Variants in SCUBE1 observed in about 807,000 individuals in gnomAD.
SCUBE1 encodes the protein signal peptide, CUB and EGF-like domain-containing protein 1.
Under a neutral mutation model 124.4 loss-of-function variants are expected in SCUBE1, and 59 were observed. The observed-to-expected ratio is 0.47, with a 90% confidence interval of 0.38 to 0.59. The LOEUF (loss-of-function observed/expected upper bound fraction) is 0.59, where lower values mean the gene tolerates loss of function less well. SCUBE1 is among the 20% of genes least tolerant of loss of function. SCUBE1 has a pLI of 0.00. For missense variants in SCUBE1, 1,150 were observed against 1,371.2 expected, an observed-to-expected ratio of 0.84 and a Z score of 2.55; for synonymous variants, 545 against 550.9, an observed-to-expected ratio of 0.99 and a Z score of 0.15.
At chr22:43,260,730 C>T (rs1292736930) in intron 5 of SCUBE1, among the ~76,000 whole-genome samples, 2 of 152,212 alleles carry the variant, frequency 1.3e-5, no homozygotes, top group East Asian at 3.9e-4. Flanking sequence ...TATTCAGCCA[C>T]CCACGGAGAG....
Position 43,211,093 on chromosome 22 carries a change from G to C in SCUBE1, c.2222-10C>G, listed in dbSNP as rs1328298209. The C allele has an allele frequency of 2.5e-6, 4 of 1,603,982 alleles. No individual in the cohort carries two copies. The highest frequency in any genetic ancestry group is 3.4e-6 in the Non-Finnish European group (4 of 1,175,006). ...CCGGGGGAGCAGTGCACTGCCGGGG[G>C]ACACAAGGCAGTGTGGTGGGTGTGG... On this transcript the variant is annotated splice_polypyrimidine_tract_variant and intron_variant, in intron 17 of 21. Transcript: ENST00000360835. This position sits in a 1 kb window ranked among gnomAD's most constrained non-coding sequence, Gnocchi z 4.5.
chr22:43,255,541 T>C lies in SCUBE1; in HGVS notation c.727+2678A>G, dbSNP rs1177765482. ...GTCCACATCAGCTACTGACGTGGCA[T>C]TGAACTGAGAGCGCTCAATTGCAGC... On this transcript the variant is annotated intron_variant, in intron 6 of 21. Transcript: ENST00000360835. This position sits in a 1 kb window ranked among gnomAD's most constrained non-coding sequence, Gnocchi z 4.7. 5.8e-6 allele frequency: 9 copies of C among 1,550,470 alleles called. No individual in the cohort carries two copies. The highest frequency in any genetic ancestry group is 1.2e-5 in the South Asian group (1 of 84,052).
chr22:43,325,399 C>T (rs959498211), intron 2 of SCUBE1, among the ~76,000 whole-genome samples: 2 of 147,560 alleles, frequency 1.4e-5, no homozygotes, highest in East Asian at 2.0e-4. Context: ...GCCGAGATCG[C>T]GCCGTTGCAC....
chr22:43,199,052 C>CTGTTTGTCTGCTGTCCGGGGCAGTT lies in SCUBE1; in HGVS notation c.*4944_*4945insAACTGCCCCGGACAGCAGACAAACA. 1 of 108,856 alleles carries CTGTTTGTCTGCTGTCCGGGGCAGTT rather than the reference C, an allele frequency of 9.2e-6. No individual in the cohort carries two copies. The highest frequency in any genetic ancestry group is 2.1e-5 in the Non-Finnish European group (1 of 48,482). 6.7% of individuals were successfully genotyped at this position (108,856 alleles called of 1,614,324 possible). A position where few individuals can be genotyped will look rare whatever the true frequency, so the allele number is the denominator to read the frequency against. Reference sequence around the variant, plus strand: ...CTCTCTGCTGTCCAGGGCAATGTGTCTGTTTGTCTGTCTGCTGTCCGGGGC... The same window carrying CTGTTTGTCTGCTGTCCGGGGCAGTT: ...CTCTCTGCTGTCCAGGGCAATGTGTCTGTTTGTCTGCTGTCCGGGGCAGTTTGTTTGTCTGTCTGCTGTCCGGGGC... On this transcript the variant is annotated 3_prime_UTR_variant, in exon 22 of 22. Coordinates refer to ENST00000360835, the MANE Select transcript of SCUBE1 (RefSeq NM_173050.5).
At chr22:43,335,843 A>ATGGTGATGATGATGGTGATGATG (rs1927053737) in intron 2 of SCUBE1, among the ~76,000 whole-genome samples, 1 of 65,076 alleles carries the variant, frequency 1.5e-5, no homozygotes, top group African/African-American at 6.4e-5. Context: ...TGATGATGAT[A>ATGGTGATGATGATGGTGATGATG]ATGATGATGG....
At chr22:43,227,236 A>T in intron 10 of SCUBE1, 138 bp downstream of exon 10, 2 of 1,030,566 alleles carry the variant, frequency 1.9e-6, no homozygotes, top group Non-Finnish European at 2.8e-6. Context: ...CCAACAGCAG[A>T]GAACCTCTGC....
At chr22:43,269,793 C>CA (rs1442958229) in intron 4 of SCUBE1, among the ~76,000 whole-genome samples, 1 of 152,160 alleles carries the variant, frequency 6.6e-6, no homozygotes, top group Non-Finnish European at 1.5e-5. Context: ...CAGGGAAAAA[C>CA]AAACACGAGC....
intron 4 of SCUBE1, among the ~76,000 whole-genome samples, chr22:43,272,891 C>T (rs2146723505): frequency 6.6e-6 from 1 of 152,366 alleles, no homozygotes; most frequent in African/African-American, 2.4e-5. Context: ...CAGTGACTGT[C>T]CTGGGTCACG....
At chr22:43,335,928 G>T (rs935896447) in intron 2 of SCUBE1, among the ~76,000 whole-genome samples, 4 of 149,420 alleles carry the variant, frequency 2.7e-5, no homozygotes, top group African/African-American at 4.9e-5. Flanking sequence ...GATGATGGTG[G>T]TGATGATGAT....
intron 21 of SCUBE1, among the ~76,000 whole-genome samples, chr22:43,207,185 G>A (rs1375319285): frequency 6.6e-6 from 1 of 152,184 alleles, no homozygotes; most frequent in African/African-American, 2.4e-5. Context: ...CAATGGCACT[G>A]GGTAGATCCC....
intron 4 of SCUBE1, among the ~76,000 whole-genome samples, chr22:43,286,427 C>T (rs17003594): frequency 0.018 from 2,684 of 152,328 alleles, 141 homozygotes; most frequent in Admixed American, 0.11. Flanking sequence ...CCACAGGCGG[C>T]GTCTGATGAG....
intron 6 of SCUBE1, among the ~76,000 whole-genome samples, chr22:43,252,457 G>A (rs1215271816): frequency 6.6e-6 from 1 of 152,220 alleles, no homozygotes; most frequent in Non-Finnish European, 1.5e-5. Flanking sequence ...CTGAGGAGCT[G>A]GCCAGTGCTG....
At chr22:43,342,997 C>G (rs1176808332) in intron 1 of SCUBE1, among the ~76,000 whole-genome samples, 177 bp downstream of exon 1, 1 of 151,392 alleles carries the variant, frequency 6.6e-6, no homozygotes, top group Non-Finnish European at 1.5e-5. Flanking sequence ...CCCGGCCGCC[C>G]GGGCTGCGGG....
chr22:43,338,278 T>C lies in SCUBE1; in HGVS notation c.220+826A>G, dbSNP rs1475781361. Among the ~76,000 whole-genome samples, 4 of 152,124 alleles carry C rather than the reference T, an allele frequency of 2.6e-5. No individual in the cohort carries two copies. The East Asian group carries it at 7.7e-4, about 29-fold the overall frequency. ...AGCCTGCTGGGGAGGCAGTTTTTAA[T>C]AGCAGGAGGGCTAACCAGCACCCCA... is the stretch of plus-strand genomic sequence containing the variant. On this transcript the variant is annotated intron_variant, in intron 2 of 21. Coordinates refer to ENST00000360835, the MANE Select transcript of SCUBE1 (RefSeq NM_173050.5).
Position 43,258,177 on chromosome 22 carries a change from C to CG in SCUBE1, c.727+41dup, listed in dbSNP as rs772812965. 16 of 1,354,226 alleles carry CG rather than the reference C, an allele frequency of 1.2e-5. No homozygotes were observed. The highest frequency in any genetic ancestry group is 4.7e-5 in the South Asian group (4 of 85,562). 83.9% of individuals were successfully genotyped at this position (1,354,226 alleles called of 1,614,324 possible). On this transcript the variant is annotated intron_variant, in intron 6 of 21. Transcript: ENST00000360835. The surrounding 1 kb of genome is among the most constrained non-coding windows in gnomAD (Gnocchi z 5.0). The stretch of plus-strand genomic sequence containing the variant: ...TGGTGCACGCATGGGGGGTCGGGGG[C>CG]GGGGGGCGCAAGGGTGGTGTGTGGC...
At chr22:43,274,414 G>A (rs1260078885) in intron 4 of SCUBE1, among the ~76,000 whole-genome samples, 1 of 152,214 alleles carries the variant, frequency 6.6e-6, no homozygotes, top group African/African-American at 2.4e-5. Context: ...ACCCTGCCCT[G>A]CCCTCCACAG....
At chr22:43,206,751 G>GGATGCTTCCAGTTTGGGAGC (rs1921303186) in intron 21 of SCUBE1, among the ~76,000 whole-genome samples, 1 of 152,192 alleles carries the variant, frequency 6.6e-6, no homozygotes, top group African/African-American at 2.4e-5. Flanking sequence ...AGCAGTGTCA[G>GGATGCTTCCAGTTTGGGAGC]GATGCTTCCA....
chr22:43,219,625 C>T (rs1922000401), intron 14 of SCUBE1, among the ~76,000 whole-genome samples: 1 of 151,870 alleles, frequency 6.6e-6, no homozygotes, highest in South Asian at 2.1e-4. Context: ...AGGTGCCTGC[C>T]ACCACACCTG....
intron 3 of SCUBE1, among the ~76,000 whole-genome samples, chr22:43,315,745 G>C (rs1157578778): frequency 1.3e-5 from 2 of 151,596 alleles, no homozygotes; most frequent in African/African-American, 2.4e-5. Flanking sequence ...GCTCAGAGGT[G>C]GTGGGGCGGG....
Sources: allele counts gnomAD v4.1 joint callset (sites outside exome capture counted in the v4.1 genomes callset), GRCh38; gene constraint gnomAD v4.1.1; non-coding constraint Gnocchi (gnomAD v3.1); transcripts MANE v1.5; gene names NCBI Gene and HGNC (gene_info 2026-07-23, HGNC 2026-07-21).